FBXW10B: variants seen among roughly 807,000 people sequenced by gnomAD.
FBXW10B encodes F-box and WD repeat domain containing 10B.
At chr17:15,566,349 A>G in the FBXW10B span, 7 of 1,378,036 alleles carry the variant, frequency 5.1e-6, 1 homozygote, top group Non-Finnish European at 6.6e-6. Flanking sequence ...CTTTCTCCGC[A>G]TCATCTGCTT....
At chr17:15,601,141 A>T in the FBXW10B span, among the ~76,000 whole-genome samples, 1 of 148,390 alleles carries the variant, frequency 6.7e-6, no homozygotes, top group South Asian at 2.1e-4. Context: ...CAGGTGCAGT[A>T]GCTCACGCCT....
chr17:15,589,302 G>A, the FBXW10B span: 1 of 1,556,804 alleles, frequency 6.4e-7, no homozygotes, highest in Non-Finnish European at 8.7e-7. Flanking sequence ...TCCCTTGTAG[G>A]GAATGTCTGG....
At chr17:15,615,826 C>T in the FBXW10B span, 1 of 1,613,666 alleles carries the variant, frequency 6.2e-7, no homozygotes, top group Non-Finnish European at 8.5e-7. Flanking sequence ...CACAGAAGAC[C>T]AAGACAAGGT....
chr17:15,606,455 A>G, the FBXW10B span, among the ~76,000 whole-genome samples: 1 of 149,704 alleles, frequency 6.7e-6, no homozygotes, highest in African/African-American at 2.5e-5. Flanking sequence ...TGAACCCAGG[A>G]GGTGGAGGTT....
chr17:15,572,094 T>A, the FBXW10B span: 1 of 152,116 alleles, frequency 6.6e-6, no homozygotes, highest in Non-Finnish European at 1.5e-5. Context: ...TACCTTTTTT[T>A]TTTTTTTTAA....
the FBXW10B span, among the ~76,000 whole-genome samples, chr17:15,585,674 G>A: frequency 0.54 from 81,279 of 151,324 alleles, 22,516 homozygotes; most frequent in Middle Eastern, 0.62. Context: ...AACTCTCTGG[G>A]GAAGCTTTCT....
At chr17:15,614,829 A>G in the FBXW10B span, among the ~76,000 whole-genome samples, 18 of 152,270 alleles carry the variant, frequency 1.2e-4, no homozygotes, top group Middle Eastern at 3.4e-3. Context: ...TATTTCATGT[A>G]TATGTCTTGC....
the FBXW10B span, among the ~76,000 whole-genome samples, chr17:15,601,958 A>T: frequency 6.6e-6 from 1 of 152,008 alleles, no homozygotes; most frequent in Admixed American, 6.6e-5. Context: ...TAAAAATACA[A>T]AAAATTAGCC....
At chr17:15,606,089 G>T in the FBXW10B span, among the ~76,000 whole-genome samples, 1 of 141,530 alleles carries the variant, frequency 7.1e-6, no homozygotes, top group Non-Finnish European at 1.5e-5. Context: ...TTAGAGACAA[G>T]GTCTTGCTCT....
chr17:15,589,273 G>A, the FBXW10B span: 1 of 1,609,050 alleles, frequency 6.2e-7, no homozygotes, highest in Non-Finnish European at 8.5e-7. Context: ...TGGCTGGTGG[G>A]TGCACATGAC....
At chr17:15,579,068 C>T in the FBXW10B span, among the ~76,000 whole-genome samples, 4 of 151,624 alleles carry the variant, frequency 2.6e-5, no homozygotes, top group East Asian at 7.7e-4. Flanking sequence ...ATAATCGCAG[C>T]TACTCAGGAG....
At chr17:15,585,438 CAG>C in the FBXW10B span, among the ~76,000 whole-genome samples, 4 of 152,176 alleles carry the variant, frequency 2.6e-5, no homozygotes, top group East Asian at 3.8e-4. Context: ...AAAGAACTCA[CAG>C]AGTCCTGGGA....
chr17:15,596,108 G>A, the FBXW10B span, among the ~76,000 whole-genome samples: 1 of 151,858 alleles, frequency 6.6e-6, no homozygotes, highest in African/African-American at 2.4e-5. Flanking sequence ...GGCTGGTCTC[G>A]AACTCCTGAC....
the FBXW10B span, among the ~76,000 whole-genome samples, chr17:15,605,648 A>G: frequency 1.3e-5 from 2 of 152,194 alleles, no homozygotes; most frequent in African/African-American, 2.4e-5. Context: ...AAAACTAGAG[A>G]CACAAGGCAA....
the FBXW10B span, among the ~76,000 whole-genome samples, chr17:15,588,194 G>T: frequency 6.6e-6 from 1 of 152,202 alleles, no homozygotes; most frequent in Non-Finnish European, 1.5e-5. Flanking sequence ...CATAAGTCAC[G>T]TTACGGCACT....
the FBXW10B span, among the ~76,000 whole-genome samples, chr17:15,581,937 A>G: frequency 6.6e-6 from 1 of 151,740 alleles, no homozygotes; most frequent in Admixed American, 6.6e-5. Flanking sequence ...GCTTCTAGAA[A>G]CCAGATGTCA....
At chr17:15,598,790 T>C in the FBXW10B span, 4 of 1,304,424 alleles carry the variant, frequency 3.1e-6, no homozygotes, top group South Asian at 6.3e-5. Context: ...GGGCCTGGAT[T>C]TGAATCCCAG....
At chr17:15,584,202 T>C in the FBXW10B span, among the ~76,000 whole-genome samples, 16 of 152,318 alleles carry the variant, frequency 1.1e-4, no homozygotes, top group African/African-American at 3.8e-4. Flanking sequence ...AAAGACTGAA[T>C]GTCTGAAAAA....
chr17:15,603,958 C>T, the FBXW10B span, among the ~76,000 whole-genome samples: 8,741 of 115,802 alleles, frequency 0.075, 483 homozygotes, highest in East Asian at 0.16. Context: ...CGGGCCCCTG[C>T]AGTCTCAGCT....
Sources: allele counts gnomAD v4.1 joint callset (sites outside exome capture counted in the v4.1 genomes callset), GRCh38; gene constraint gnomAD v4.1.1; transcripts MANE v1.5; gene names NCBI Gene and HGNC (gene_info 2026-07-23, HGNC 2026-07-21).